Variants in C20orf96 observed in about 807,000 individuals in gnomAD.
C20orf96 encodes uncharacterized protein C20orf96.
C20orf96 carries 57 observed loss-of-function variants against 52.6 expected under a neutral mutation model. The ratio of observed to expected loss-of-function variants is 1.08; its 90% CI spans 0.88 to 1.35. The LOEUF (loss-of-function observed/expected upper bound fraction) is 1.35, where lower values mean the gene tolerates loss of function less well. C20orf96 is among the 40% of genes most tolerant of loss of function. The pLI is 0.00. For missense variants in C20orf96, 478 were observed against 443.6 expected (o/e 1.08, Z -0.70); for synonymous variants, 168 against 157.2 (o/e 1.07, Z -0.51).
chr20:276,061 A>C lies in C20orf96; in HGVS notation c.938T>G (p.Met313Arg), dbSNP rs1183841698. 1 of 1,614,192 alleles carries C rather than the reference A, an allele frequency of 6.2e-7. No homozygotes were observed. The change falls in exon 10 of 11, where the codon ATG becomes AGG. Residue 313 changes from methionine (M) to arginine (R), a missense_variant. Coordinates refer to ENST00000360321, the MANE Select transcript of C20orf96 (RefSeq NM_153269.3). Reference protein sequence around the residue: ...REIIDQFEENMPVLRAEVEEL... With the variant: ...REIIDQFEENRPVLRAEVEEL... Reference sequence around the variant, plus strand: ...TTCCACCTCGGCCCTTAATACAGGCATGTTCTCCTCAAACTGGTCAATAAT... The same window carrying C: ...TTCCACCTCGGCCCTTAATACAGGCCTGTTCTCCTCAAACTGGTCAATAAT...
Position 271,267 on chromosome 20 carries a change from C to A in C20orf96, c.1032G>T (p.Lys344Asn), listed in dbSNP as rs1359586554. The change falls in exon 11 of 11, where the codon AAG (lysine) becomes AAT (asparagine). Residue 344 changes from lysine to asparagine, a missense_variant and splice_region_variant. Coordinates refer to ENST00000360321, the MANE Select transcript of C20orf96 (RefSeq NM_153269.3). ...GGATGACATCCATGTCTGGGGTGCA[C>A]CTGGTGGGAGGCAGCACAGAAGGCC... is the stretch of plus-strand genomic sequence containing the variant. Reference protein sequence around the residue: ...IFEDVLLRRPKCTPDMDVILN... With the variant: ...IFEDVLLRRPNCTPDMDVILN... 2 of 1,553,084 alleles carry A rather than the reference C, an allele frequency of 1.3e-6. No homozygotes were observed. Among genetic ancestry groups the A allele is most frequent in the Admixed American group, 2.0e-5 (1 of 51,198 alleles).
intron 4 of C20orf96, among the ~76,000 whole-genome samples, chr20:282,428 T>C (rs1401948748): frequency 6.6e-6 from 1 of 152,164 alleles, no homozygotes; most frequent in Non-Finnish European, 1.5e-5. Flanking sequence ...GCTCAATCAA[T>C]ATTTGTTGAT....
At chr20:272,608 A>T (rs2011878039) in intron 10 of C20orf96, among the ~76,000 whole-genome samples, 1 of 151,926 alleles carries the variant, frequency 6.6e-6, no homozygotes, top group Non-Finnish European at 1.5e-5. Flanking sequence ...CTTCTTCCTC[A>T]TCCTCCTAAA....
intron 3 of C20orf96, among the ~76,000 whole-genome samples, chr20:287,446 C>T (rs1331811238): frequency 1.3e-5 from 2 of 152,204 alleles, no homozygotes; most frequent in Non-Finnish European, 2.9e-5. Context: ...ATGTGCTTAT[C>T]TGACATCTGT....
In C20orf96 at chr20:279,158, G is replaced by T. The variant is rs1307242645; in HGVS notation, c.465+14C>A. The T allele has an allele frequency of 6.3e-7, 1 of 1,575,126 alleles. No individual in the cohort carries two copies. The highest frequency in any genetic ancestry group is 8.6e-7 in the Non-Finnish European group (1 of 1,166,568). On this transcript the variant is annotated intron_variant, in intron 5 of 10. Coordinates refer to ENST00000360321, the MANE Select transcript of C20orf96 (RefSeq NM_153269.3). ...ACGGAGGGACGGAGGGCGGGCGGAT[G>T]CCGCGGGTCTCACCGCCAGGGTGTC...
At chr20:288,203 T>G (rs1262427964) in intron 3 of C20orf96, among the ~76,000 whole-genome samples, 1 of 146,106 alleles carries the variant, frequency 6.8e-6, no homozygotes, top group Non-Finnish European at 1.5e-5. Context: ...TTTTTGCCTA[T>G]GGGTGTCCAA....
chr20:271,443 TACACACACACACAC>T lies in C20orf96; in HGVS notation c.1032-190_1032-177del, dbSNP rs71191933. ...AAGCCCAACTGTGCATACACAAGCA[TACACACACACACAC>T]ACACACACACACACACACACACATA... is the stretch of plus-strand genomic sequence containing the variant. On this transcript the variant is annotated intron_variant, in intron 10 of 10. Coordinates refer to ENST00000360321, the MANE Select transcript of C20orf96 (RefSeq NM_153269.3). Among the ~76,000 whole-genome samples the T allele has an allele frequency of 9.7e-3, 1,302 of 134,594 alleles. 11 individuals are homozygous for T. Among genetic ancestry groups the T allele is most frequent in the African/African-American group, 0.027 (1,068 of 39,568 alleles). The allele number at this position is 134,594 out of a possible 152,430, so 88.3% of individuals were successfully genotyped here.
At chr20:290,464 G>A (rs992327397) in intron 1 of C20orf96, 127 bp downstream of exon 1, 1 of 1,524,138 alleles carries the variant, frequency 6.6e-7, no homozygotes, top group Non-Finnish European at 8.8e-7. Flanking sequence ...AGATGTGGGC[G>A]GGGAGAGGAC....
intron 10 of C20orf96, among the ~76,000 whole-genome samples, 174 bp from the exon 11 acceptor site, chr20:271,441 C>A (rs2011833285): frequency 9.1e-6 from 1 of 110,386 alleles, no homozygotes; most frequent in African/African-American, 4.8e-5. Context: ...CATACACAAG[C>A]ATACACACAC....
At chr20:289,538 C>G (rs369238697) in intron 3 of C20orf96, 21 bp downstream of exon 3, 1 of 1,550,994 alleles carries the variant, frequency 6.4e-7, no homozygotes, top group East Asian at 2.2e-5. Flanking sequence ...CCCACACCAG[C>G]TCCCAGGTGC....
intron 4 of C20orf96, among the ~76,000 whole-genome samples, chr20:281,864 G>A (rs1179203339): frequency 2.0e-5 from 3 of 152,202 alleles, no homozygotes; most frequent in African/African-American, 4.8e-5. Context: ...TACTCCGAGA[G>A]GCTGAGGTGG....
At position 276,887 on chromosome 20, in the gene C20orf96, GGAA is replaced by G; in HGVS notation, c.826-11_826-9del. On this transcript the variant is annotated splice_polypyrimidine_tract_variant and intron_variant, in intron 8 of 10. Coordinates refer to ENST00000360321, the MANE Select transcript of C20orf96 (RefSeq NM_153269.3). ...ATAGGGACGCTGGGTTTCCTGTGGA[GGAA>G]GAAGAGGTCTGGCCCCCAGGTGCCT... The G allele has an allele frequency of 6.2e-7, 1 of 1,613,952 alleles. No homozygotes were observed. The highest frequency in any genetic ancestry group is 8.5e-7 in the Non-Finnish European group (1 of 1,179,898).
intron 1 of C20orf96, 32 bp from the exon 2 acceptor site, chr20:290,339 A>G (rs760773702): frequency 1.9e-6 from 3 of 1,610,456 alleles, no homozygotes; most frequent in Non-Finnish European, 2.5e-6. Flanking sequence ...AAGAACTTCC[A>G]TTATCCCCAG....
At chr20:278,757 A>G (rs6035515) in intron 5 of C20orf96, among the ~76,000 whole-genome samples, 59,339 of 146,298 alleles carry the variant, frequency 0.41, 12,154 homozygotes, top group East Asian at 0.59. Context: ...GGGGAGGCAA[A>G]GTTAACTAAA....
At chr20:286,914 A>G (rs1020982892) in intron 3 of C20orf96, among the ~76,000 whole-genome samples, 1 of 152,204 alleles carries the variant, frequency 6.6e-6, no homozygotes, top group African/African-American at 2.4e-5. Flanking sequence ...ATCATCCAGT[A>G]TGTAACTGTG....
chr20:277,219 C>T lies in C20orf96; in HGVS notation c.723+7G>A. ...GTCTGGTGGGAGAGGGGCAGGGGCTCCCCTACCTGCTGGCTGTCCTTAACC... is the reference window on the plus strand; with the variant it reads ...GTCTGGTGGGAGAGGGGCAGGGGCTTCCCTACCTGCTGGCTGTCCTTAACC... On this transcript the variant is annotated splice_region_variant and intron_variant, in intron 7 of 10. Coordinates refer to ENST00000360321, the MANE Select transcript of C20orf96 (RefSeq NM_153269.3). The T allele has an allele frequency of 6.2e-7, 1 of 1,614,058 alleles. No homozygotes were observed. Among genetic ancestry groups the T allele is most frequent in the Non-Finnish European group, 8.5e-7 (1 of 1,179,952 alleles).
At chr20:288,313 C>T (rs1173056199) in intron 3 of C20orf96, among the ~76,000 whole-genome samples, 3 of 151,522 alleles carry the variant, frequency 2.0e-5, no homozygotes, top group East Asian at 1.9e-4. Flanking sequence ...GATTTATTCC[C>T]TTTTCCTCAC....
intron 3 of C20orf96, among the ~76,000 whole-genome samples, chr20:286,013 TAGG>T (rs2012376383): frequency 6.6e-6 from 1 of 152,220 alleles, no homozygotes. Context: ...TTAAAAGGTT[TAGG>T]AGAATTTAAT....
intron 10 of C20orf96, among the ~76,000 whole-genome samples, chr20:275,495 C>A (rs1050761208): frequency 1.3e-5 from 2 of 152,154 alleles, no homozygotes; most frequent in Admixed American, 6.5e-5. Context: ...GCCTGGGGGA[C>A]CCCCAACCCA....
Sources: gnomAD v4.1 joint callset for allele counts (sites outside exome capture counted in the v4.1 genomes callset) on GRCh38, gnomAD v4.1.1 for gene constraint, MANE v1.5 for transcripts, NCBI Gene and HGNC (gene_info 2026-07-23, HGNC 2026-07-21) for gene names.